ABLIM1: variants seen among roughly 807,000 people sequenced by gnomAD.
ABLIM1 encodes actin-binding LIM protein 1.
In ABLIM1, 40 loss-of-function variants were observed where a neutral mutation model predicts 107.0. The observed-to-expected ratio is 0.37, with a 90% CI of 0.29 to 0.49. ABLIM1 has a LOEUF of 0.49. Ranked by LOEUF, ABLIM1 falls within the 20% of genes least tolerant of loss-of-function variation. ABLIM1 has a pLI of 0.97. For missense variants in ABLIM1, 857 were observed against 1,008.5 expected, an observed-to-expected ratio of 0.85 and a Z score of 2.04; for synonymous variants, 357 against 357.3, an observed-to-expected ratio of 1.00 and a Z score of 0.01.
chr10:114,441,428 T>C (rs1589686674), intron 18 of ABLIM1, among the ~76,000 whole-genome samples: 1 of 152,368 alleles, frequency 6.6e-6, no homozygotes, highest in South Asian at 2.1e-4. Context: ...GTTCAAGTAA[T>C]TACTTTTTGT....
At chr10:114,751,509 T>C (rs768823899) in intron 1 of ABLIM1, among the ~76,000 whole-genome samples, 4 of 151,746 alleles carry the variant, frequency 2.6e-5, no homozygotes, top group Non-Finnish European at 5.9e-5. Flanking sequence ...ATACAACACT[T>C]TGGGAGGCTG....
chr10:114,579,231 C>G (rs1487670794), intron 2 of ABLIM1, among the ~76,000 whole-genome samples: 1 of 152,100 alleles, frequency 6.6e-6, no homozygotes, highest in Non-Finnish European at 1.5e-5. Flanking sequence ...CAACAGGAAA[C>G]AATCTAAACT....
At chr10:114,565,980 A>G (rs1050195482) in intron 4 of ABLIM1, among the ~76,000 whole-genome samples, 4 of 151,834 alleles carry the variant, frequency 2.6e-5, no homozygotes, top group Admixed American at 6.6e-5. Context: ...TATTTTTAGT[A>G]GAGATGGGGT....
upstream of ABLIM1, among the ~76,000 whole-genome samples, chr10:114,769,056 G>C (rs569973180): frequency 2.0e-5 from 3 of 151,388 alleles, no homozygotes; most frequent in East Asian, 3.9e-4. Context: ...TTCTATGGCC[G>C]GGTGTGGTGG....
At chr10:114,536,178 G>A (rs1008608508) in intron 6 of ABLIM1, among the ~76,000 whole-genome samples, 7 of 144,330 alleles carry the variant, frequency 4.8e-5, no homozygotes, top group Non-Finnish European at 1.0e-4. Flanking sequence ...CATACAAATG[G>A]TATTGGACAA....
At chr10:114,648,554 G>C (rs141990689) in intron 1 of ABLIM1, among the ~76,000 whole-genome samples, 3 of 152,126 alleles carry the variant, frequency 2.0e-5, no homozygotes, top group African/African-American at 7.2e-5. Context: ...GTTTTCTAAC[G>C]GGCACAAGGT....
At chr10:114,641,607 G>C (rs1025237905) in intron 1 of ABLIM1, among the ~76,000 whole-genome samples, 2 of 152,342 alleles carry the variant, frequency 1.3e-5, no homozygotes, top group Non-Finnish European at 2.9e-5. Context: ...GTTTTAAGTA[G>C]AGTAGTAGAG....
At chr10:114,673,026 G>A (rs991491747) in intron 1 of ABLIM1, among the ~76,000 whole-genome samples, 5 of 152,106 alleles carry the variant, frequency 3.3e-5, no homozygotes, top group African/African-American at 1.2e-4. Context: ...GGGAGGCTGA[G>A]GCAGGTGGAT....
chr10:114,794,209 C>T, the ABLIM1 span, among the ~76,000 whole-genome samples: 1 of 152,222 alleles, frequency 6.6e-6, no homozygotes, highest in East Asian at 1.9e-4. Flanking sequence ...AGCTTGACCC[C>T]TCTACTTATT....
intron 4 of ABLIM1, among the ~76,000 whole-genome samples, chr10:114,552,175 G>T (rs2068144856): frequency 1.3e-5 from 2 of 152,192 alleles, no homozygotes; most frequent in Non-Finnish European, 2.9e-5. Context: ...ACTCAAGCCT[G>T]ACACTGTGCT....
intron 6 of ABLIM1, among the ~76,000 whole-genome samples, chr10:114,517,157 C>A (rs1052355435): frequency 1.3e-5 from 2 of 152,130 alleles, no homozygotes; most frequent in South Asian, 4.1e-4. Flanking sequence ...GAACTGTGGT[C>A]CCCCAAAGAT....
chr10:114,547,466 T>C lies in ABLIM1; in HGVS notation c.800+184A>G, dbSNP rs920906010. 8.2e-6 allele frequency: 6 copies of C among 734,060 alleles called. No individual in the cohort carries two copies. In the African/African-American group the frequency reaches 1.1e-4, roughly 13 times the overall value. 45.5% of individuals were successfully genotyped at this position (734,060 alleles called of 1,614,324 possible). A position where few individuals can be genotyped will look rare whatever the true frequency, so the allele number is the denominator to read the frequency against. On this transcript the variant is annotated intron_variant, in intron 5 of 22. Transcript: ENST00000533213. The stretch of plus-strand genomic sequence containing the variant: ...AATGATTAACATATCATTAGGTTTA[T>C]AGTAGCCAAGGCAAAAGAATACAAT...
At chr10:114,683,112 T>TGCATAGTGTCC (rs2080816650) in intron 1 of ABLIM1, among the ~76,000 whole-genome samples, 2 of 152,248 alleles carry the variant, frequency 1.3e-5, no homozygotes, top group African/African-American at 4.8e-5. Flanking sequence ...CTTATTAAAA[T>TGCATAGTGTCC]TCAAATTCTA....
upstream of ABLIM1, among the ~76,000 whole-genome samples, chr10:114,661,161 T>G (rs1471885791): frequency 6.6e-6 from 1 of 152,232 alleles, no homozygotes; most frequent in African/African-American, 2.4e-5. Context: ...GTAAGAATTT[T>G]GATACTTTTT....
the ABLIM1 span, among the ~76,000 whole-genome samples, chr10:114,788,191 G>C: frequency 1.3e-5 from 2 of 150,696 alleles, no homozygotes; most frequent in Admixed American, 1.3e-4. Flanking sequence ...CACAAACACT[G>C]CGGAAGGCTG....
intron 1 of ABLIM1, among the ~76,000 whole-genome samples, chr10:114,739,464 T>C (rs1388447613): frequency 6.6e-6 from 1 of 152,204 alleles, no homozygotes; most frequent in Non-Finnish European, 1.5e-5. Flanking sequence ...GAGTCTGAAG[T>C]TAATCAATGA....
In ABLIM1 at chr10:114,718,017, AGG is replaced by A. The variant is rs2081723670; in HGVS notation, c.-213+50042_-213+50043del. Among the ~76,000 whole-genome samples the A allele has an allele frequency of 4.4e-5, 6 of 136,974 alleles. No individual in the cohort carries two copies. The Admixed American group carries it at 4.5e-4, about 10-fold the overall frequency. 89.9% of individuals were successfully genotyped at this position (136,974 alleles called of 152,430 possible). The stretch of plus-strand genomic sequence containing the variant: ...AAGGAAGGAAGGAAGGAAGGAAGGA[AGG>A]AAGGAAGGAAGGAGAAAGAGAAAGA... On this transcript the variant is annotated intron_variant, in intron 1 of 15. Coordinates refer to the ABLIM1 transcript ENST00000651092.
chr10:114,673,568 C>T (rs952727526), intron 1 of ABLIM1, among the ~76,000 whole-genome samples: 1 of 152,172 alleles, frequency 6.6e-6, no homozygotes, highest in Non-Finnish European at 1.5e-5. Context: ...TCTGTGGCTC[C>T]CAACCCCACC....
intron 1 of ABLIM1, among the ~76,000 whole-genome samples, chr10:114,631,248 G>T (rs893269104): frequency 6.6e-6 from 1 of 152,128 alleles, no homozygotes; most frequent in Non-Finnish European, 1.5e-5. Context: ...TCAGGACCAC[G>T]CCTAGTGCAT....
Sources: allele counts gnomAD v4.1 joint callset (sites outside exome capture counted in the v4.1 genomes callset), GRCh38; gene constraint gnomAD v4.1.1; transcripts MANE v1.5; gene names NCBI Gene and HGNC (gene_info 2026-07-23, HGNC 2026-07-21).